Variants in ADGRL3 observed in about 807,000 individuals in gnomAD.
ADGRL3 encodes adhesion G protein-coupled receptor L3.
In ADGRL3, 62 loss-of-function variants were observed where a neutral mutation model predicts 153.5. The observed-to-expected ratio is 0.40, with a 90% CI of 0.33 to 0.50. The LOEUF (loss-of-function observed/expected upper bound fraction) is 0.50, where lower values mean the gene tolerates loss of function less well. ADGRL3 is among the 20% of genes least tolerant of loss of function. The pLI is 0.47. For synonymous variants in ADGRL3, 710 were observed against 672.5 expected (o/e 1.06, Z -0.86); for missense variants, 1,641 against 1,859.4 (o/e 0.88, Z 2.16).
chr4:61,979,673 G>T lies in ADGRL3; in HGVS notation c.2916G>T (p.Gly972=). The T allele has an allele frequency of 6.2e-7, 1 of 1,613,760 alleles. No homozygotes were observed. The highest frequency in any genetic ancestry group is 8.5e-7 in the Non-Finnish European group (1 of 1,179,868). ...ICIFTFCFFR[G]LQSDRNTIHK... Reference sequence around the variant, plus strand: ...TCTTCACATTTTGCTTTTTCCGGGGGCTCCAGAGTGACCGTAACACCATCC... The same window carrying T: ...TCTTCACATTTTGCTTTTTCCGGGGTCTCCAGAGTGACCGTAACACCATCC... The change falls in exon 18 of 27, where the codon GGG becomes GGT. Residue 972 remains glycine (G), a synonymous_variant. Coordinates refer to ENST00000683033, the MANE Select transcript of ADGRL3 (RefSeq NM_001387552.1).
intron 1 of ADGRL3, among the ~76,000 whole-genome samples, chr4:61,313,585 A>AT (rs1398286252): frequency 6.6e-6 from 1 of 152,200 alleles, no homozygotes; most frequent in African/African-American, 2.4e-5. Flanking sequence ...AGCGAAAACA[A>AT]TGTATAACAC....
intron 4 of ADGRL3, among the ~76,000 whole-genome samples, chr4:61,518,274 A>G (rs2098509731): frequency 6.6e-6 from 1 of 152,210 alleles, no homozygotes; most frequent in African/African-American, 2.4e-5. Context: ...AAGGAATATA[A>G]TATTTGTAAC....
At chr4:61,783,899 C>A (rs1379258046) in intron 8 of ADGRL3, among the ~76,000 whole-genome samples, 5 of 152,120 alleles carry the variant, frequency 3.3e-5, no homozygotes, top group Admixed American at 3.3e-4. Flanking sequence ...GAAATGTGGA[C>A]TACATTAGAT....
intron 1 of ADGRL3, among the ~76,000 whole-genome samples, chr4:61,209,747 C>A (rs1739034207): frequency 6.6e-6 from 1 of 152,074 alleles, no homozygotes; most frequent in East Asian, 1.9e-4. Flanking sequence ...AATACTGTGT[C>A]CGAAGATTGA....
At chr4:61,990,851 T>C (rs1237180527) in intron 19 of ADGRL3, among the ~76,000 whole-genome samples, 1 of 151,822 alleles carries the variant, frequency 6.6e-6, no homozygotes, top group Non-Finnish European at 1.5e-5. Flanking sequence ...CAACTACTTA[T>C]TATCTGTGTG....
At chr4:62,000,446 ATAAT>A (rs1391521560) in intron 21 of ADGRL3, among the ~76,000 whole-genome samples, 2 of 152,060 alleles carry the variant, frequency 1.3e-5, no homozygotes, top group South Asian at 4.1e-4. Context: ...GTTTAGAAAA[ATAAT>A]TAAACATGGA....
chr4:61,239,234 A>G (rs1020660839), intron 1 of ADGRL3, among the ~76,000 whole-genome samples: 1 of 152,156 alleles, frequency 6.6e-6, no homozygotes, highest in African/African-American at 2.4e-5. Flanking sequence ...CAGTTTGTCT[A>G]TGTGAACAAT....
At chr4:61,890,479 A>G (rs1030898083) in intron 9 of ADGRL3, among the ~76,000 whole-genome samples, 5 of 151,746 alleles carry the variant, frequency 3.3e-5, no homozygotes, top group African/African-American at 1.2e-4. Context: ...TTCCTGCTGC[A>G]TCATCCCATG....
chr4:61,579,535 T>C, intron 4 of ADGRL3: 2 of 489,796 alleles, frequency 4.1e-6, no homozygotes, highest in South Asian at 1.5e-5. Flanking sequence ...TTTTAGGCAA[T>C]CCTCAGGTAG....
Position 61,495,506 on chromosome 4 carries a change from G to A in ADGRL3, c.-173-1615G>A, listed in dbSNP as rs150802591. Among the ~76,000 whole-genome samples, 973 of 151,470 alleles carry A rather than the reference G, an allele frequency of 6.4e-3. 6 individuals carry two copies. Among genetic ancestry groups the A allele is most frequent in the South Asian group, 0.031 (148 of 4,774 alleles). On this transcript the variant is annotated intron_variant, in intron 2 of 26. Coordinates refer to ENST00000683033, the MANE Select transcript of ADGRL3 (RefSeq NM_001387552.1). ...GGAAGGAAGGAAGGGGAAGGGAAGG[G>A]AAGGAAGGGGAAGGGAAGAGAATGG...
intron 8 of ADGRL3, among the ~76,000 whole-genome samples, chr4:61,738,787 G>A (rs1014523469): frequency 6.6e-6 from 1 of 152,062 alleles, no homozygotes; most frequent in Non-Finnish European, 1.5e-5. Flanking sequence ...GGTACAATCT[G>A]TGAAACACTG....
At position 62,070,339 on chromosome 4, in the gene ADGRL3, C is replaced by G; in HGVS notation, c.4063C>G (p.Gln1355Glu). The change falls in exon 27 of 27, where the codon CAG becomes GAG. Residue 1355 changes from glutamine to glutamate, a missense_variant. By Grantham distance (29) the Gln-to-Glu change is conservative. Around this residue, in one of 5 missense-constraint regions of ADGRL3, gnomAD observed 517 missense variants for 555.0 expected, o/e 0.93. Coordinates refer to ENST00000683033, the MANE Select transcript of ADGRL3 (RefSeq NM_001387552.1). The part of the protein sequence containing the change: ...YLNNHERSSE[Q>E]NRNLMNKLVN... ...GAACAACCATGAGCGCTCCAGTGAA[C>G]AGAACAGGAATCTGATGAACAAGCT... is the stretch of plus-strand genomic sequence containing the variant. 2 of 1,552,720 alleles carry G rather than the reference C, an allele frequency of 1.3e-6. No individual in the cohort carries two copies. The highest frequency in any genetic ancestry group is 1.7e-6 in the Non-Finnish European group (2 of 1,147,356).
At chr4:61,728,417 T>C (rs2096384830) in intron 6 of ADGRL3, among the ~76,000 whole-genome samples, 1 of 152,014 alleles carries the variant, frequency 6.6e-6, no homozygotes, top group Non-Finnish European at 1.5e-5. Flanking sequence ...CTTCAAAAAA[T>C]AAAAATTTCC....
chr4:61,852,096 G>T (rs528127913), intron 9 of ADGRL3, among the ~76,000 whole-genome samples: 1 of 151,984 alleles, frequency 6.6e-6, no homozygotes, highest in African/African-American at 2.4e-5. Flanking sequence ...AAAACTGAGG[G>T]TAGCCATATT....
intron 1 of ADGRL3, among the ~76,000 whole-genome samples, chr4:61,362,828 A>C (rs768261352): frequency 2.0e-5 from 3 of 152,190 alleles, no homozygotes; most frequent in Non-Finnish European, 4.4e-5. Flanking sequence ...AGTTTCATAT[A>C]TAGATGACTT....
At chr4:61,709,461 T>C (rs1269338968) in intron 6 of ADGRL3, among the ~76,000 whole-genome samples, 1 of 152,218 alleles carries the variant, frequency 6.6e-6, no homozygotes, top group African/African-American at 2.4e-5. Context: ...ATAATAAGAA[T>C]ATCTGTTAGT....
At chr4:61,754,238 C>A (rs1192501078) in intron 8 of ADGRL3, among the ~76,000 whole-genome samples, 1 of 152,074 alleles carries the variant, frequency 6.6e-6, no homozygotes, top group Non-Finnish European at 1.5e-5. Flanking sequence ...TAGTTATTTT[C>A]TGTTATAAAA....
At chr4:61,782,663 A>G (rs927946231) in intron 8 of ADGRL3, among the ~76,000 whole-genome samples, 5 of 152,158 alleles carry the variant, frequency 3.3e-5, no homozygotes, top group Admixed American at 1.3e-4. Context: ...TTAACCTAAA[A>G]CTACTAAATG....
intron 21 of ADGRL3, among the ~76,000 whole-genome samples, chr4:62,025,544 G>T (rs912801517): frequency 6.6e-6 from 1 of 152,034 alleles, no homozygotes; most frequent in Non-Finnish European, 1.5e-5. Flanking sequence ...GTTACTGCTG[G>T]CTCCTTTTCG....
Sources: gnomAD v4.1 joint callset for allele counts (sites outside exome capture counted in the v4.1 genomes callset) on GRCh38, gnomAD v4.1.1 for gene constraint, gnomAD v4.1.1 regional missense constraint, MANE v1.5 for transcripts, NCBI Gene and HGNC (gene_info 2026-07-23, HGNC 2026-07-21) for gene names.